VEGFC: variants seen among roughly 807,000 people sequenced by gnomAD.
The protein encoded by VEGFC is FLT4 ligand DHM.
In VEGFC, 12 loss-of-function variants were observed where a neutral mutation model predicts 46.1. That is an observed-to-expected ratio of 0.26 (90% CI 0.17 to 0.42). The LOEUF is 0.42. VEGFC is among the 10% of genes least tolerant of loss of function. The pLI, the probability that VEGFC is intolerant of heterozygous loss-of-function variation, is 1.00. For synonymous variants in VEGFC, 232 were observed against 195.5 expected, an observed-to-expected ratio of 1.19 and a Z score of -1.56; for missense variants, 488 against 529.4, an observed-to-expected ratio of 0.92 and a Z score of 0.77.
At chr4:176,714,082 C>T (rs776454815) in intron 3 of VEGFC, among the ~76,000 whole-genome samples, 3 of 152,160 alleles carry the variant, frequency 2.0e-5, no homozygotes, top group Non-Finnish European at 4.4e-5. Flanking sequence ...TTTGCTTACA[C>T]GCACAGTGTT....
chr4:176,771,597 T>G (rs753278406), intron 1 of VEGFC, among the ~76,000 whole-genome samples: 2 of 152,166 alleles, frequency 1.3e-5, no homozygotes, highest in Non-Finnish European at 2.9e-5. Flanking sequence ...TCTCTGTGAG[T>G]AACGTGTAAG....
Position 176,735,990 on chromosome 4 carries a change from C to T in VEGFC, c.148-6244G>A, listed in dbSNP as rs562238888. Among the ~76,000 whole-genome samples, 331 of 151,860 alleles carry T rather than the reference C, an allele frequency of 2.2e-3. 3 individuals are homozygous for T. The highest frequency in any genetic ancestry group is 7.7e-3 in the African/African-American group (318 of 41,464). ...ATTTGCCTTAATTGAAATAGGTGCA[C>T]CTGTTCATTCAAAAGCAAATTTACC... On this transcript the variant is annotated intron_variant, in intron 1 of 6. Coordinates refer to ENST00000618562, the MANE Select transcript of VEGFC (RefSeq NM_005429.5).
At chr4:176,750,590 G>C (rs759055243) in intron 1 of VEGFC, among the ~76,000 whole-genome samples, 2 of 151,638 alleles carry the variant, frequency 1.3e-5, no homozygotes, top group Non-Finnish European at 3.0e-5. Context: ...TAAAGGACTT[G>C]CATACCTAAA....
intron 1 of VEGFC, among the ~76,000 whole-genome samples, chr4:176,786,464 T>C (rs1035544351): frequency 6.6e-6 from 1 of 152,180 alleles, no homozygotes; most frequent in South Asian, 2.1e-4. Flanking sequence ...ATTTTTAACA[T>C]TGGGTCTCAT....
rs531289138 is a variant in VEGFC at position 176,777,796 on chromosome 4, G to A, written c.147+14369C>T. Among the ~76,000 whole-genome samples, 591 of 149,848 alleles carry A rather than the reference G, an allele frequency of 3.9e-3. 1 individual carries two copies. The highest frequency in any genetic ancestry group is 6.6e-3 in the Non-Finnish European group (445 of 67,830). Reference sequence around the variant, plus strand: ...TAGCTGGGCATGGTGGTGGGCACCCGTAGTCCCTGCTACTCGGGAGGCTGG... The same window carrying A: ...TAGCTGGGCATGGTGGTGGGCACCCATAGTCCCTGCTACTCGGGAGGCTGG... On this transcript the variant is annotated intron_variant, in intron 1 of 6. Transcript: ENST00000618562.
intron 1 of VEGFC, among the ~76,000 whole-genome samples, chr4:176,739,879 A>G (rs1735126103): frequency 6.6e-6 from 1 of 150,496 alleles, no homozygotes; most frequent in Non-Finnish European, 1.5e-5. Context: ...AAATAAAACA[A>G]GGTAAGTAAT....
intron 4 of VEGFC, among the ~76,000 whole-genome samples, chr4:176,709,088 G>A (rs778526021): frequency 2.6e-5 from 4 of 152,098 alleles, no homozygotes; most frequent in Non-Finnish European, 5.9e-5. Context: ...ACAGTGTATA[G>A]GATAGTAGTT....
intron 1 of VEGFC, among the ~76,000 whole-genome samples, chr4:176,775,921 A>AT (rs1488913357): frequency 1.7e-4 from 25 of 150,740 alleles, no homozygotes; most frequent in Non-Finnish European, 2.6e-4. Flanking sequence ...GTATAGGCTT[A>AT]CCAAAAAAAA....
chr4:176,737,199 A>G (rs1735070342), intron 1 of VEGFC, among the ~76,000 whole-genome samples: 1 of 149,060 alleles, frequency 6.7e-6, no homozygotes, highest in South Asian at 2.1e-4. Context: ...TGAAGGAGGG[A>G]ATTATATTAT....
At chr4:176,732,333 C>A (rs778981137) in intron 1 of VEGFC, among the ~76,000 whole-genome samples, 6 of 151,896 alleles carry the variant, frequency 4.0e-5, no homozygotes, top group Non-Finnish European at 7.4e-5. Context: ...GACCCCCAGA[C>A]TAAAGTTCAA....
intron 3 of VEGFC, among the ~76,000 whole-genome samples, chr4:176,717,276 T>A (rs1287286655): frequency 6.6e-6 from 1 of 151,992 alleles, no homozygotes; most frequent in Non-Finnish European, 1.5e-5. Flanking sequence ...TAAGCAAGGT[T>A]GGAAACTGAA....
chr4:176,687,508 C>A lies in VEGFC; in HGVS notation c.824G>T (p.Gly275Val). Residue 275 changes from glycine to valine, a missense_variant, in exon 6 of 7, where the codon GGA (glycine) becomes GTA (valine). By Grantham distance (109) the Gly-to-Val change is moderately radical. Coordinates refer to ENST00000618562, the MANE Select transcript of VEGFC (RefSeq NM_005429.5). ...GTTTGGTCCACAGATGTCATGGAAT[C>A]CATCTGTTGAGTCTAGACAAATAGT... ...SSDAGDDSTD[G>V]FHDICGPNKE... 1 of 1,603,200 alleles carries A rather than the reference C, an allele frequency of 6.2e-7. No homozygotes were observed. The highest frequency in any genetic ancestry group is 1.7e-5 in the Admixed American group (1 of 58,110).
chr4:176,687,633 G>T, intron 5 of VEGFC, 113 bp from the exon 6 acceptor site: 3 of 1,129,906 alleles, frequency 2.7e-6, no homozygotes, highest in Non-Finnish European at 3.7e-6. Flanking sequence ...AAAGGATTGG[G>T]TACAAACATG....
chr4:176,683,824 G>C lies in VEGFC; in HGVS notation c.*102C>G, dbSNP rs1733985382. 3.2e-6 allele frequency: 3 copies of C among 923,346 alleles called. No individual in the cohort carries two copies. Among genetic ancestry groups the C allele is most frequent in the South Asian group, 3.1e-5 (2 of 65,290 alleles). The allele number at this position is 923,346 out of a possible 1,614,324, so 57.2% of individuals were successfully genotyped here. ...TCAGGAAAGACAGACTTTTGTCTTTGTTAGCATGGACCCACAAGGGTCTCT... is the reference window on the plus strand; with the variant it reads ...TCAGGAAAGACAGACTTTTGTCTTTCTTAGCATGGACCCACAAGGGTCTCT... On this transcript the variant is annotated 3_prime_UTR_variant, in exon 7 of 7. Coordinates refer to ENST00000618562, the MANE Select transcript of VEGFC (RefSeq NM_005429.5).
chr4:176,695,104 G>T (rs1246839937), intron 4 of VEGFC, among the ~76,000 whole-genome samples: 20 of 145,100 alleles, frequency 1.4e-4, no homozygotes, highest in African/African-American at 5.2e-4. Flanking sequence ...TCAAAAGCTA[G>T]CAGAAGGCAA....
intron 1 of VEGFC, among the ~76,000 whole-genome samples, chr4:176,759,638 C>T (rs750140603): frequency 2.0e-5 from 3 of 152,086 alleles, no homozygotes; most frequent in Non-Finnish European, 2.9e-5. Flanking sequence ...TGATAATGTG[C>T]TAATCAGTTT....
chr4:176,747,234 G>A (rs989898715), intron 1 of VEGFC, among the ~76,000 whole-genome samples: 2 of 151,854 alleles, frequency 1.3e-5, no homozygotes, highest in African/African-American at 4.8e-5. Flanking sequence ...GCAAATTGAA[G>A]GCATGAACTG....
At chr4:176,745,649 G>A (rs147742580) in intron 1 of VEGFC, among the ~76,000 whole-genome samples, 1 of 152,096 alleles carries the variant, frequency 6.6e-6, no homozygotes, top group East Asian at 1.9e-4. Context: ...GACCTGCTTG[G>A]GTCTGTCCTG....
chr4:176,702,706 A>C (rs1276045964), intron 4 of VEGFC, among the ~76,000 whole-genome samples: 3 of 152,084 alleles, frequency 2.0e-5, no homozygotes, highest in Non-Finnish European at 4.4e-5. Flanking sequence ...AATAACTAAT[A>C]AATTTAGCAC....
Sources: gnomAD v4.1 joint callset for allele counts (sites outside exome capture counted in the v4.1 genomes callset) on GRCh38, gnomAD v4.1.1 for gene constraint, MANE v1.5 for transcripts, NCBI Gene and HGNC (gene_info 2026-07-23, HGNC 2026-07-21) for gene names.